Variants in TSC22D2 observed in about 807,000 individuals in gnomAD.
The protein encoded by TSC22D2 is TSC22 domain family protein 2.
A neutral mutation model predicts 50.1 loss-of-function variants in TSC22D2; 5 were observed. The observed-to-expected ratio is 0.10, with a 90% CI of 0.05 to 0.21. The LOEUF (loss-of-function observed/expected upper bound fraction) is 0.21. TSC22D2 is among the 10% of genes least tolerant of loss of function. The pLI is 1.00. For missense variants in TSC22D2, 1,003 were observed against 1,015.5 expected (o/e 0.99, Z 0.17); for synonymous variants, 501 against 450.1 (o/e 1.11, Z -1.43).
rs1173718395 is a variant in TSC22D2 at position 150,460,910 on chromosome 3, A to G, written c.*2274A>G. 2 of 152,252 alleles carry G rather than the reference A, an allele frequency of 1.3e-5. No individual in the cohort carries two copies. Among genetic ancestry groups the G allele is most frequent in the Non-Finnish European group, 2.9e-5 (2 of 68,046 alleles). The allele number at this position is 152,252 out of a possible 1,614,324, so 9.4% of individuals were successfully genotyped here. A position where few individuals can be genotyped will look rare whatever the true frequency, so the allele number is the denominator to read the frequency against. ...GTTTAAAATGGTAACAGCAGTTATT[A>G]CTACTTTTATATTAAGAAAAACAGT... On this transcript the variant is annotated 3_prime_UTR_variant, in exon 3 of 3. Transcript: ENST00000688009.
rs79279252 is a variant in TSC22D2 at position 150,416,944 on chromosome 3, G to A, written c.1958+5636G>A. Among the ~76,000 whole-genome samples the A allele has an allele frequency of 8.1e-3, 1,227 of 152,130 alleles. 6 individuals are homozygous for A. The highest frequency in any genetic ancestry group is 0.017 in the Middle Eastern group (5 of 294). ...TTTAGTTTGATTCCTTTGTACCCAA[G>A]CTAATTTTTGTTTAAAAAGAAAAAG... is the stretch of plus-strand genomic sequence containing the variant. On this transcript the variant is annotated intron_variant, in intron 1 of 2. Coordinates refer to ENST00000688009, the MANE Select transcript of TSC22D2 (RefSeq NM_001303264.2).
At chr3:150,437,176 A>T (rs751682964) in intron 1 of TSC22D2, among the ~76,000 whole-genome samples, 1 of 152,188 alleles carries the variant, frequency 6.6e-6, no homozygotes, top group Non-Finnish European at 1.5e-5. Flanking sequence ...AGTGATTAAC[A>T]TAGATGCCCA....
At chr3:150,423,193 C>T in intron 1 of TSC22D2, 1 of 1,062,608 alleles carries the variant, frequency 9.4e-7, no homozygotes, top group Non-Finnish European at 1.4e-6. Context: ...GTACTGGTTT[C>T]TCATTAAAAC....
Position 150,410,018 on chromosome 3 carries a change from G to A in TSC22D2, c.668G>A (p.Gly223Glu). Residue 223 changes from glycine to glutamate, a missense_variant, in exon 1 of 3, where the codon GGG becomes GAG. Physicochemically the swap from Gly to Glu is moderately conservative, Grantham distance 98 (BLOSUM62 -2). This residue lies in a region of TSC22D2 where 696 missense variants were observed against 647.8 expected (regional missense o/e 1.07). Transcript: ENST00000688009. Reference protein sequence around the residue: ...ERDSGLGATGGSVVVVVASMQ... With the variant: ...ERDSGLGATGESVVVVVASMQ... ...GACAGCGGCCTGGGCGCCACCGGAG[G>A]GTCGGTGGTGGTAGTAGTGGCCTCC... is the stretch of plus-strand genomic sequence containing the variant. The A allele has an allele frequency of 1.2e-6, 2 of 1,613,454 alleles. No homozygotes were observed. Among genetic ancestry groups the A allele is most frequent in the Non-Finnish European group, 1.7e-6 (2 of 1,180,036 alleles).
intron 1 of TSC22D2, among the ~76,000 whole-genome samples, chr3:150,428,609 AC>A (rs752411562): frequency 0.15 from 21,778 of 147,932 alleles, 1,735 homozygotes; most frequent in Non-Finnish European, 0.2. Flanking sequence ...AAAAAAAAAA[AC>A]ATACTTAGAT....
intron 1 of TSC22D2, among the ~76,000 whole-genome samples, chr3:150,424,715 C>A (rs574243930): frequency 6.6e-6 from 1 of 152,170 alleles, no homozygotes; most frequent in African/African-American, 2.4e-5. Flanking sequence ...TATTTTCTCT[C>A]CTCCTTGGAG....
rs188027625 is a variant in TSC22D2, at chr3:150,460,142, A to G, written c.*1506A>G. ...AAATATTTGGCTCTATATGTGTTCA[A>G]AATTTGACTAGATTTGTATTTTCAC... is the stretch of plus-strand genomic sequence containing the variant. On this transcript the variant is annotated 3_prime_UTR_variant, in exon 3 of 3. Coordinates refer to ENST00000688009, the MANE Select transcript of TSC22D2 (RefSeq NM_001303264.2). The G allele has an allele frequency of 5.3e-5, 8 of 152,270 alleles. No individual in the cohort carries two copies. In the East Asian group the frequency reaches 1.5e-3, roughly 29 times the overall value. The allele number at this position is 152,270 out of a possible 1,614,324, so 9.4% of individuals were successfully genotyped here.
In TSC22D2 at chr3:150,457,084, G is replaced by C. The variant is rs1313430108; in HGVS notation, c.1967G>C (p.Gly656Ala). The C allele has an allele frequency of 5.0e-6, 8 of 1,612,122 alleles. No individual in the cohort carries two copies. Among genetic ancestry groups the C allele is most frequent in the Non-Finnish European group, 6.8e-6 (8 of 1,179,498 alleles). ...ATTCTAATTTTTTCCAGTGCATCTG[G>C]GGGAGGTGTTGTAGCCATTGACAAC... ...PVDGDEDSAS[G>A]GGVVAIDNKI... Residue 656 changes from glycine (G) to alanine (A), a missense_variant, in exon 2 of 3, where the codon GGG becomes GCG. By Grantham distance (60) the Gly-to-Ala change is moderately conservative. Transcript: ENST00000688009.
In TSC22D2 at chr3:150,461,000, C is replaced by G. The variant is rs1482751854; in HGVS notation, c.*2364C>G. 6.6e-6 allele frequency: 1 copy of G among 152,124 alleles called. No individual in the cohort carries two copies. Among genetic ancestry groups the G allele is most frequent in the African/African-American group, 2.4e-5 (1 of 41,414 alleles). The allele number at this position is 152,124 out of a possible 1,614,324, so 9.4% of individuals were successfully genotyped here. Reference sequence around the variant, plus strand: ...AAATGGCAGTTTCTAAAGGTTCAACCTCTAGTAACCTAAGAAATGCAAATT... The same window carrying G: ...AAATGGCAGTTTCTAAAGGTTCAACGTCTAGTAACCTAAGAAATGCAAATT... On this transcript the variant is annotated 3_prime_UTR_variant, in exon 3 of 3. Transcript: ENST00000688009.
chr3:150,445,712 T>C (rs1020485062), intron 1 of TSC22D2, among the ~76,000 whole-genome samples: 2 of 152,172 alleles, frequency 1.3e-5, no homozygotes. Flanking sequence ...TAGCCGTCCT[T>C]TAAGATATGT....
At chr3:150,423,250 G>A in intron 1 of TSC22D2, 1 of 556,534 alleles carries the variant, frequency 1.8e-6, no homozygotes, top group Non-Finnish European at 3.0e-6. Flanking sequence ...TCTAGCATGG[G>A]ACAAAGCAGC....
rs925284567 is a variant in TSC22D2, at chr3:150,458,853, A to T, written c.*217A>T. The T allele has an allele frequency of 1.3e-5, 7 of 535,514 alleles. No homozygotes were observed. Among genetic ancestry groups the T allele is most frequent in the Non-Finnish European group, 2.2e-5 (7 of 311,766 alleles). 33.2% of individuals were successfully genotyped at this position (535,514 alleles called of 1,614,324 possible). A position where few individuals can be genotyped will look rare whatever the true frequency, so the allele number is the denominator to read the frequency against. On this transcript the variant is annotated 3_prime_UTR_variant, in exon 3 of 3. Coordinates refer to ENST00000688009, the MANE Select transcript of TSC22D2 (RefSeq NM_001303264.2). ...TTCTATGTCATCAGTACACAAGGAG[A>T]ATAATAGATGGGGTTTATTAAAGCG...
chr3:150,421,882 A>C (rs1720022471), intron 1 of TSC22D2, among the ~76,000 whole-genome samples: 1 of 152,210 alleles, frequency 6.6e-6, no homozygotes, highest in African/African-American at 2.4e-5. Flanking sequence ...TTAACAGATA[A>C]AGAGACAGAC....
chr3:150,424,176 T>C (rs549098105), intron 1 of TSC22D2, among the ~76,000 whole-genome samples: 1 of 152,316 alleles, frequency 6.6e-6, no homozygotes, highest in East Asian at 1.9e-4. Context: ...GAACAGGAAG[T>C]TTTAAAATTT....
In TSC22D2 at chr3:150,465,011, A is replaced by C. The variant is rs1265877648; in HGVS notation, c.*6375A>C. ...AAGTTAAGAATAACTCAGGTGACTG[A>C]TACCAAAAATAAATCTCTAATACAG... On this transcript the variant is annotated 3_prime_UTR_variant, in exon 3 of 3. Transcript: ENST00000688009. 6.6e-6 allele frequency: 1 copy of C among 152,218 alleles called. No homozygotes were observed. Among genetic ancestry groups the C allele is most frequent in the Non-Finnish European group, 1.5e-5 (1 of 68,026 alleles). 9.4% of individuals were successfully genotyped at this position (152,218 alleles called of 1,614,324 possible).
rs771324610 is a variant in TSC22D2, at chr3:150,411,264, C to T, written c.1914C>T (p.Thr638=). Reference sequence around the variant, plus strand: ...TAACACCTATGAACAGTCTGGCCACCTCTGTATTCAGCATAGCTATTCCTG... The same window carrying T: ...TAACACCTATGAACAGTCTGGCCACTTCTGTATTCAGCATAGCTATTCCTG... ...LQLTPMNSLA[T]SVFSIAIPVD... is the part of the protein sequence containing the mutation. Residue 638 remains threonine, a synonymous_variant, in exon 1 of 3, where the codon ACC becomes ACT. Transcript: ENST00000688009. 1.2e-6 allele frequency: 2 copies of T among 1,614,066 alleles called. No individual in the cohort carries two copies. Among genetic ancestry groups the T allele is most frequent in the African/African-American group, 2.7e-5 (2 of 74,936 alleles).
rs755730769 is a variant in TSC22D2, at chr3:150,457,090, G to C, written c.1973G>C (p.Gly658Ala). The C allele has an allele frequency of 2.5e-6, 4 of 1,612,104 alleles. No homozygotes were observed. The East Asian group carries it at 6.7e-5, about 27-fold the overall frequency. Residue 658 changes from glycine (G) to alanine (A), a missense_variant, in exon 2 of 3, where the codon GGT becomes GCT. Gly to Ala is a moderately conservative substitution (Grantham distance 60). This residue lies in a region of TSC22D2 where 696 missense variants were observed against 647.8 expected (regional missense o/e 1.07). Transcript: ENST00000688009. ...ATTTTTTCCAGTGCATCTGGGGGAG[G>C]TGTTGTAGCCATTGACAACAAAATA... is the stretch of plus-strand genomic sequence containing the variant. ...DGDEDSASGG[G>A]VVAIDNKIEQ...
chr3:150,446,378 G>A (rs1559848948), intron 1 of TSC22D2, among the ~76,000 whole-genome samples: 1 of 152,120 alleles, frequency 6.6e-6, no homozygotes, highest in Non-Finnish European at 1.5e-5. Context: ...GGCTGGGTAC[G>A]GTGGCACACG....
At position 150,438,441 on chromosome 3, in the gene TSC22D2, G is replaced by T. The variant is rs192725016; in HGVS notation, c.1959-18635G>T. 7 of 180,026 alleles carry T rather than the reference G, an allele frequency of 3.9e-5. No individual in the cohort carries two copies. The East Asian group carries it at 8.5e-4, about 22-fold the overall frequency. The allele number at this position is 180,026 out of a possible 1,614,324, so 11.2% of individuals were successfully genotyped here. On this transcript the variant is annotated intron_variant, in intron 1 of 2. Coordinates refer to ENST00000688009, the MANE Select transcript of TSC22D2 (RefSeq NM_001303264.2). ...TTTATGAACAAAATGAGCACATTGT[G>T]TAAGAGTATAGTATTAAATATAAGT...
Sources: gnomAD v4.1 joint callset for allele counts (sites outside exome capture counted in the v4.1 genomes callset) on GRCh38, gnomAD v4.1.1 for gene constraint, gnomAD v4.1.1 regional missense constraint, MANE v1.5 for transcripts, NCBI Gene and HGNC (gene_info 2026-07-23, HGNC 2026-07-21) for gene names.